The following SLCO1B1 variants were observed in gnomAD, a reference collection of about 807,000 sequenced individuals.
SLCO1B1 encodes the protein OATP-2.
In SLCO1B1, 81 loss-of-function variants were observed where a neutral mutation model predicts 70.1. The observed-to-expected ratio is 1.16, with a 90% CI of 0.97 to 1.39. The LOEUF is 1.39. Ranked by LOEUF, SLCO1B1 falls within the 40% of genes most tolerant of loss-of-function variation. The pLI is 0.00. For missense variants in SLCO1B1, 895 were observed against 799.6 expected (o/e 1.12, Z -1.44); for synonymous variants, 283 against 271.5 (o/e 1.04, Z -0.42).
intron 6 of SLCO1B1, 99 bp from the exon 7 acceptor site, chr12:21,178,823 A>G (rs963179238): frequency 1.5e-6 from 2 of 1,352,786 alleles, no homozygotes; most frequent in African/African-American, 1.4e-5. Flanking sequence ...TAGAACATAT[A>G]TTTGGGTATA....
intron 12 of SLCO1B1, among the ~76,000 whole-genome samples, chr12:21,218,613 T>C (rs1941387710): frequency 9.8e-6 from 1 of 101,674 alleles, no homozygotes; most frequent in Non-Finnish European, 2.1e-5. Flanking sequence ...TATAAAATGT[T>C]GTCTACTCAA....
intron 1 of SLCO1B1, among the ~76,000 whole-genome samples, chr12:21,138,063 G>C (rs1401365452): frequency 8.5e-5 from 13 of 152,224 alleles, no homozygotes; most frequent in Admixed American, 8.5e-4. Flanking sequence ...TGTCTGCCTT[G>C]ATAAGACAAT....
intron 14 of SLCO1B1, among the ~76,000 whole-genome samples, chr12:21,238,143 T>C (rs575134319): frequency 2.4e-4 from 36 of 152,336 alleles, no homozygotes; most frequent in African/African-American, 7.9e-4. Context: ...TTTTTAGTCT[T>C]GTTTCTCTTT....
chr12:21,224,152 T>C (rs1312886946), intron 13 of SLCO1B1, among the ~76,000 whole-genome samples: 2 of 152,046 alleles, frequency 1.3e-5, no homozygotes, highest in Admixed American at 1.3e-4. Context: ...AAGTGGGAAG[T>C]AGATGTCTGA....
At chr12:21,143,208 T>A (rs1940335192) in intron 2 of SLCO1B1, among the ~76,000 whole-genome samples, 1 of 152,050 alleles carries the variant, frequency 6.6e-6, no homozygotes, top group Non-Finnish European at 1.5e-5. Flanking sequence ...GAAAACATAA[T>A]GGGAGAAAAT....
rs1565673150 is a variant in SLCO1B1, at chr12:21,174,713, AGTGTTAAAAAAAAAAAAAACCTCT to A, written c.359+8_359+31del. Reference sequence around the variant, plus strand: ...TGCCACATTTCTTCATGGGATAGTAAGTGTTAAAAAAAAAAAAAACCTCTGTGCCACTATCAGTACCTTGTAAAT... The same window carrying A: ...TGCCACATTTCTTCATGGGATAGTAAGTGCCACTATCAGTACCTTGTAAAT... On this transcript the variant is annotated splice_donor_5th_base_variant and intron_variant, in intron 4 of 14. Coordinates refer to ENST00000256958, the MANE Select transcript of SLCO1B1 (RefSeq NM_006446.5). 1 of 1,570,176 alleles carries A rather than the reference AGTGTTAAAAAAAAAAAAAACCTCT, an allele frequency of 6.4e-7. No homozygotes were observed. Among genetic ancestry groups the A allele is most frequent in the Non-Finnish European group, 8.6e-7 (1 of 1,157,516 alleles).
chr12:21,157,661 G>A (rs1437739076), intron 2 of SLCO1B1, among the ~76,000 whole-genome samples: 1 of 150,462 alleles, frequency 6.6e-6, no homozygotes, highest in Non-Finnish European at 1.5e-5. Context: ...GAGTGCAGTG[G>A]CGCGATCTTG....
intron 3 of SLCO1B1, among the ~76,000 whole-genome samples, chr12:21,173,346 A>C (rs1314068946): frequency 1.3e-5 from 2 of 152,000 alleles, no homozygotes; most frequent in Non-Finnish European, 2.9e-5. Context: ...CCCTATTAGT[A>C]ATTTTTTTCT....
chr12:21,183,444 C>CTT (rs1229171804), intron 7 of SLCO1B1, among the ~76,000 whole-genome samples: 3 of 152,208 alleles, frequency 2.0e-5, no homozygotes, highest in Non-Finnish European at 4.4e-5. Flanking sequence ...GATCCTCCCA[C>CTT]CTTAGCCTGG....
intron 1 of SLCO1B1, among the ~76,000 whole-genome samples, chr12:21,135,648 G>T (rs570709269): frequency 6.6e-6 from 1 of 152,170 alleles, no homozygotes; most frequent in South Asian, 2.1e-4. Context: ...CAGAGACTAG[G>T]ATTGCAACCC....
rs764208608 is a variant in SLCO1B1 at position 21,205,855 on chromosome 12, C to T, written c.1332-13C>T. On this transcript the variant is annotated splice_polypyrimidine_tract_variant and intron_variant, in intron 10 of 14. Transcript: ENST00000256958. The stretch of plus-strand genomic sequence containing the variant: ...CTCTCTCTTTTTGATATATGTCTAT[C>T]ATATATTTCCAGAAATAATCCAGTG... The T allele has an allele frequency of 6.3e-7, 1 of 1,578,420 alleles. No individual in the cohort carries two copies. The highest frequency in any genetic ancestry group is 1.1e-5 in the South Asian group (1 of 90,022).
intron 12 of SLCO1B1, among the ~76,000 whole-genome samples, chr12:21,222,091 T>C (rs1461486911): frequency 6.6e-6 from 1 of 151,980 alleles, no homozygotes; most frequent in Non-Finnish European, 1.5e-5. Flanking sequence ...CTTGAAATCA[T>C]GATGCATTGA....
chr12:21,206,539 T>C (rs1941216970), intron 11 of SLCO1B1, among the ~76,000 whole-genome samples: 1 of 151,942 alleles, frequency 6.6e-6, no homozygotes, highest in African/African-American at 2.4e-5. Flanking sequence ...CAAGGCTTCA[T>C]GCTCACTTGA....
Position 21,205,981 on chromosome 12 carries a change from T to C in SLCO1B1, c.1445T>C (p.Ile482Thr). ...PVCGNNGITYISPCLAGCKSS... is the reference protein window; with the variant it reads ...PVCGNNGITYTSPCLAGCKSS... Reference sequence around the variant, plus strand: ...TGTGGAAACAATGGAATAACTTACATCTCACCCTGTCTAGCAGGTTGCAAA... The same window carrying C: ...TGTGGAAACAATGGAATAACTTACACCTCACCCTGTCTAGCAGGTTGCAAA... The change falls in exon 11 of 15, where the codon ATC (isoleucine) becomes ACC (threonine). Residue 482 changes from isoleucine (I) to threonine (T), a missense_variant. By Grantham distance (89) the Ile-to-Thr change is moderately conservative. Transcript: ENST00000256958. 1 of 1,612,298 alleles carries C rather than the reference T, an allele frequency of 6.2e-7. No homozygotes were observed. The highest frequency in any genetic ancestry group is 8.5e-7 in the Non-Finnish European group (1 of 1,178,726).
chr12:21,205,503 C>T (rs558675453), intron 10 of SLCO1B1, among the ~76,000 whole-genome samples: 4 of 151,920 alleles, frequency 2.6e-5, no homozygotes, highest in Admixed American at 2.6e-4. Flanking sequence ...ATGTCATCAC[C>T]TTACTGAAGA....
Position 21,196,988 on chromosome 12 carries a change from C to G in SLCO1B1, c.770C>G (p.Ala257Gly), listed in dbSNP as rs755253135. The change falls in exon 8 of 15, where the codon GCT (alanine) becomes GGT (glycine). Residue 257 changes from alanine to glycine, a missense_variant. Transcript: ENST00000256958. Reference protein sequence around the residue: ...ITPTDSRWVGAWWLNFLVSGL... With the variant: ...ITPTDSRWVGGWWLNFLVSGL... ...CCTACTGATTCTCGATGGGTTGGAG[C>G]TTGGTGGCTTAATTTCCTTGTGTCT... The G allele has an allele frequency of 4.3e-6, 7 of 1,613,324 alleles. No homozygotes were observed. The highest frequency in any genetic ancestry group is 5.1e-6 in the Non-Finnish European group (6 of 1,179,556).
At chr12:21,202,389 C>A in intron 9 of SLCO1B1, 102 bp from the exon 10 acceptor site, 2 of 772,986 alleles carry the variant, frequency 2.6e-6, no homozygotes, top group Non-Finnish European at 4.1e-6. Context: ...TAAAAAGAAG[C>A]AATAATATTG....
chr12:21,179,284 A>C (rs1215669729), intron 7 of SLCO1B1, among the ~76,000 whole-genome samples: 1 of 152,148 alleles, frequency 6.6e-6, no homozygotes, highest in Non-Finnish European at 1.5e-5. Flanking sequence ...ACCAAATGTA[A>C]AATGTCTCCC....
At chr12:21,149,226 G>T (rs1940433257) in intron 2 of SLCO1B1, among the ~76,000 whole-genome samples, 1 of 151,966 alleles carries the variant, frequency 6.6e-6, no homozygotes, top group African/African-American at 2.4e-5. Flanking sequence ...TATTTCTCTT[G>T]CCTGATTGCC....
Sources: gnomAD v4.1 joint callset for allele counts (sites outside exome capture counted in the v4.1 genomes callset) on GRCh38, gnomAD v4.1.1 for gene constraint, MANE v1.5 for transcripts, NCBI Gene and HGNC (gene_info 2026-07-23, HGNC 2026-07-21) for gene names.